MLLT10: variants seen among roughly 807,000 people sequenced by gnomAD.
MLLT10 encodes protein AF-10.
Under a neutral mutation model 129.1 loss-of-function variants are expected in MLLT10, and 30 were observed. The ratio of observed to expected loss-of-function variants is 0.23; its 90% CI spans 0.17 to 0.32. The LOEUF is 0.32. Among genes scored for constraint, MLLT10 ranks in the 10% least tolerant of loss-of-function variants. The pLI is 1.00. For missense variants in MLLT10, 1,119 were observed against 1,268.3 expected, an observed-to-expected ratio of 0.88 and a Z score of 1.79; for synonymous variants, 490 against 446.4, an observed-to-expected ratio of 1.10 and a Z score of -1.23.
intron 15 of MLLT10, among the ~76,000 whole-genome samples, chr10:21,726,609 A>G (rs937942555): frequency 6.6e-6 from 1 of 151,876 alleles, no homozygotes; most frequent in Non-Finnish European, 1.5e-5. Context: ...ATAATTACAA[A>G]CTGTCAATTT....
At chr10:21,607,904 T>A (rs566112251) in intron 5 of MLLT10, among the ~76,000 whole-genome samples, 2 of 152,130 alleles carry the variant, frequency 1.3e-5, no homozygotes, top group Admixed American at 1.3e-4. Context: ...TTTTGTCACA[T>A]CTGGAGCAAG....
chr10:21,551,800 C>CTTT (rs747938797), intron 3 of MLLT10: 79 of 346,308 alleles, frequency 2.3e-4, no homozygotes, highest in Middle Eastern at 1.0e-3. Context: ...GTCTCTCTCT[C>CTTT]TTTTTTTTTT....
intron 8 of MLLT10, chr10:21,625,355 T>C (rs1018915042): frequency 3.9e-6 from 3 of 769,764 alleles, no homozygotes; most frequent in African/African-American, 3.4e-5. Context: ...TTTCAACTTA[T>C]TTACTCTTTG....
chr10:21,720,527 C>G (rs1341645192), intron 14 of MLLT10, among the ~76,000 whole-genome samples: 1 of 152,196 alleles, frequency 6.6e-6, no homozygotes, highest in Non-Finnish European at 1.5e-5. Flanking sequence ...TTGCTGGAAA[C>G]TTTTCTAATC....
chr10:21,734,772 G>A (rs1381330009), intron 20 of MLLT10, among the ~76,000 whole-genome samples: 1 of 152,050 alleles, frequency 6.6e-6, no homozygotes, highest in Non-Finnish European at 1.5e-5. Flanking sequence ...TGGTATGTTT[G>A]GATTCTTTGT....
At chr10:21,551,123 C>T (rs1186310382) in intron 3 of MLLT10, among the ~76,000 whole-genome samples, 1 of 151,420 alleles carries the variant, frequency 6.6e-6, no homozygotes, top group East Asian at 2.0e-4. Flanking sequence ...GACGGGGTTT[C>T]ACCACGTTGG....
chr10:21,715,423 A>C (rs1589783232), intron 14 of MLLT10, among the ~76,000 whole-genome samples: 1 of 152,206 alleles, frequency 6.6e-6, no homozygotes, highest in African/African-American at 2.4e-5. Context: ...ACTAAAAGTG[A>C]GGTAGCCATA....
chr10:21,571,663 T>C (rs961891430), intron 3 of MLLT10, among the ~76,000 whole-genome samples: 1 of 152,244 alleles, frequency 6.6e-6, no homozygotes, highest in African/African-American at 2.4e-5. Context: ...AGTGGTATCA[T>C]TGTGGTTTTA....
chr10:21,684,813 T>G (rs1052728937), intron 13 of MLLT10, among the ~76,000 whole-genome samples: 2 of 152,192 alleles, frequency 1.3e-5, no homozygotes, highest in African/African-American at 4.8e-5. Context: ...TCTCATCCCT[T>G]CTTCTCCCCG....
chr10:21,575,164 T>C (rs2040604832), intron 3 of MLLT10, among the ~76,000 whole-genome samples: 2 of 152,088 alleles, frequency 1.3e-5, no homozygotes, highest in African/African-American at 4.8e-5. Context: ...ATAGGTTCTT[T>C]AGGTAGAACC....
At chr10:21,635,307 G>A (rs2047355252) in intron 8 of MLLT10, among the ~76,000 whole-genome samples, 1 of 152,138 alleles carries the variant, frequency 6.6e-6, no homozygotes, top group Admixed American at 6.6e-5. Context: ...GGTTGATGGT[G>A]ATGCTTTTAC....
chr10:21,585,605 T>A (rs1178150209), intron 3 of MLLT10, among the ~76,000 whole-genome samples: 1 of 152,194 alleles, frequency 6.6e-6, no homozygotes, highest in Non-Finnish European at 1.5e-5. Context: ...TAGCTGACCA[T>A]AAGACAGGAA....
intron 5 of MLLT10, among the ~76,000 whole-genome samples, chr10:21,605,934 T>C (rs553054301): frequency 6.6e-6 from 1 of 152,320 alleles, no homozygotes; most frequent in East Asian, 1.9e-4. Context: ...TTTTTTTCTT[T>C]TTTACCGAAT....
At chr10:21,669,048 C>G (rs776587167) in intron 9 of MLLT10, 28 of 1,372,474 alleles carry the variant, frequency 2.0e-5, no homozygotes, top group Non-Finnish European at 2.7e-5. Flanking sequence ...GTTCATATTT[C>G]TAAAGTAAGC....
At chr10:21,548,107 C>A (rs1270791484) in intron 3 of MLLT10, among the ~76,000 whole-genome samples, 1 of 151,986 alleles carries the variant, frequency 6.6e-6, no homozygotes, top group Admixed American at 6.6e-5. Context: ...TAGCTATTTT[C>A]CTGTAACTAA....
intron 14 of MLLT10, among the ~76,000 whole-genome samples, chr10:21,724,877 C>T (rs2057370675): frequency 6.6e-6 from 1 of 152,192 alleles, no homozygotes; most frequent in South Asian, 2.1e-4. Context: ...CCAGTGAGGC[C>T]TTCAGAATTG....
At chr10:21,548,260 C>T (rs1164072681) in intron 3 of MLLT10, among the ~76,000 whole-genome samples, 1 of 152,054 alleles carries the variant, frequency 6.6e-6, no homozygotes, top group African/African-American at 2.4e-5. Context: ...TCTGTCTCTT[C>T]AAATACTGTA....
intron 13 of MLLT10, among the ~76,000 whole-genome samples, chr10:21,709,807 A>G (rs2055898757): frequency 6.6e-6 from 1 of 151,996 alleles, no homozygotes; most frequent in African/African-American, 2.4e-5. Context: ...CAGTGGCACA[A>G]TCTCGGCTCA....
chr10:21,673,258 T>G, intron 10 of MLLT10, 92 bp from the exon 11 acceptor site: 1 of 767,322 alleles, frequency 1.3e-6, no homozygotes, highest in African/African-American at 1.8e-5. Flanking sequence ...AATGATTATA[T>G]CATGTCTGCT....
Sources: gnomAD v4.1 joint callset for allele counts (sites outside exome capture counted in the v4.1 genomes callset) on GRCh38, gnomAD v4.1.1 for gene constraint, MANE v1.5 for transcripts, NCBI Gene and HGNC (gene_info 2026-07-23, HGNC 2026-07-21) for gene names.